The following ANKRD55 variants were observed in gnomAD, a reference collection of about 807,000 sequenced individuals.
The protein encoded by ANKRD55 is ankyrin repeat domain-containing protein 55.
In ANKRD55, 41 loss-of-function variants were observed where a neutral mutation model predicts 60.6. The observed-to-expected ratio is 0.68, with a 90% CI of 0.53 to 0.88. ANKRD55 has a LOEUF of 0.88. Ranked by LOEUF, ANKRD55 falls within the 40% of genes least tolerant of loss-of-function variation. The pLI is 0.00. For synonymous variants in ANKRD55, 264 were observed against 290.3 expected, an observed-to-expected ratio of 0.91 and a Z score of 0.92; for missense variants, 732 against 767.6, an observed-to-expected ratio of 0.95 and a Z score of 0.55.
intron 2 of ANKRD55, among the ~76,000 whole-genome samples, chr5:56,227,909 G>C (rs984937891): frequency 2.6e-5 from 4 of 152,148 alleles, no homozygotes; most frequent in Non-Finnish European, 5.9e-5. Context: ...ATGTATCCAT[G>C]TAAAGCCCTG....
intron 3 of ANKRD55, among the ~76,000 whole-genome samples, chr5:56,179,523 AAAATTGTT>A (rs1346508128): frequency 6.6e-6 from 1 of 152,210 alleles, no homozygotes; most frequent in African/African-American, 2.4e-5. Context: ...GCAAATTGTC[AAAATTGTT>A]AAATTCTGCA....
intron 6 of ANKRD55, among the ~76,000 whole-genome samples, chr5:56,153,748 A>T (rs952264191): frequency 1.3e-5 from 2 of 149,396 alleles, no homozygotes; most frequent in Non-Finnish European, 3.0e-5. Context: ...GAGGCAGGAG[A>T]ATGGTGTGAA....
chr5:56,197,745 G>GT (rs1759260308), intron 2 of ANKRD55, among the ~76,000 whole-genome samples: 1 of 152,082 alleles, frequency 6.6e-6, no homozygotes, highest in Non-Finnish European at 1.5e-5. Context: ...TTTCAGAGGA[G>GT]TTTTTCTTAC....
At chr5:56,192,592 A>T (rs1759125694) in intron 2 of ANKRD55, 2 of 527,786 alleles carry the variant, frequency 3.8e-6, no homozygotes, top group Non-Finnish European at 6.8e-6. Flanking sequence ...TCCTCTATGG[A>T]TCGGCAATAG....
chr5:56,135,496 TG>T (rs1757571048), intron 7 of ANKRD55, among the ~76,000 whole-genome samples: 1 of 151,642 alleles, frequency 6.6e-6, no homozygotes, highest in Admixed American at 6.6e-5. Flanking sequence ...CAGCCTCCCG[TG>T]TAGCTGGGAC....
chr5:56,228,032 G>T (rs77795838), intron 2 of ANKRD55, among the ~76,000 whole-genome samples: 37 of 152,244 alleles, frequency 2.4e-4, no homozygotes, highest in African/African-American at 8.4e-4. Flanking sequence ...ACAGTGTTGC[G>T]TGCTTTCTGG....
intron 2 of ANKRD55, among the ~76,000 whole-genome samples, chr5:56,194,438 T>A (rs987258791): frequency 2.0e-5 from 3 of 152,066 alleles, no homozygotes; most frequent in Non-Finnish European, 4.4e-5. Context: ...CCAACACATA[T>A]AGTTTTTGTC....
At chr5:56,134,556 G>T (rs1757505630) in intron 7 of ANKRD55, among the ~76,000 whole-genome samples, 1 of 113,732 alleles carries the variant, frequency 8.8e-6, no homozygotes, top group African/African-American at 3.0e-5. Flanking sequence ...TCCAGCCTGG[G>T]TGACAGAGTG....
chr5:56,213,596 G>C (rs1759731299), intron 2 of ANKRD55, among the ~76,000 whole-genome samples: 1 of 152,074 alleles, frequency 6.6e-6, no homozygotes, highest in Non-Finnish European at 1.5e-5. Context: ...AAAATAGTGA[G>C]ATTCTGCTTC....
At chr5:56,133,807 C>T (rs1478024895) in intron 7 of ANKRD55, among the ~76,000 whole-genome samples, 1 of 113,758 alleles carries the variant, frequency 8.8e-6, no homozygotes, top group Admixed American at 8.6e-5. Context: ...AACAATTTCT[C>T]AGAAGAAAAT....
At chr5:56,231,653 G>GCACACA (rs34225686) in intron 2 of ANKRD55, among the ~76,000 whole-genome samples, 15 of 147,978 alleles carry the variant, frequency 1.0e-4, no homozygotes, top group African/African-American at 1.5e-4. Context: ...CTGAAGGCGC[G>GCACACA]CACACACACA....
intron 7 of ANKRD55, among the ~76,000 whole-genome samples, chr5:56,136,041 G>A (rs1240557554): frequency 6.6e-6 from 1 of 152,052 alleles, no homozygotes. Flanking sequence ...ATAAAAGTGT[G>A]ATGAAAAACA....
At chr5:56,123,562 C>T (rs940956684) in intron 8 of ANKRD55, among the ~76,000 whole-genome samples, 2 of 152,074 alleles carry the variant, frequency 1.3e-5, no homozygotes, top group Admixed American at 6.5e-5. Flanking sequence ...GGGTCCCCAG[C>T]AGATTATGTC....
chr5:56,099,709 A>G lies in ANKRD55; in HGVS notation c.*474T>C, dbSNP rs1756208869. On this transcript the variant is annotated 3_prime_UTR_variant, in exon 12 of 12. Transcript: ENST00000341048. ...ACTGATCATAGGAATTTATTTTTAA[A>G]TAGGTTTCATTAGTTCAAGTTAGAA... 6.5e-6 allele frequency: 1 copy of G among 153,484 alleles called. No homozygotes were observed. Among genetic ancestry groups the G allele is most frequent in the Non-Finnish European group, 1.5e-5 (1 of 68,926 alleles). 9.5% of individuals were successfully genotyped at this position (153,484 alleles called of 1,614,324 possible).
chr5:56,143,796 C>T lies in ANKRD55; in HGVS notation c.612+5G>A, dbSNP rs1757828790. The T allele has an allele frequency of 1.2e-6, 2 of 1,614,168 alleles. No individual in the cohort carries two copies. The highest frequency in any genetic ancestry group is 1.7e-6 in the Non-Finnish European group (2 of 1,180,014). ...CTGAGACCAGTCCACAGGTCAATTT[C>T]TCACCTGGACTGCCCAGTGGAGAGC... On this transcript the variant is annotated splice_donor_5th_base_variant and intron_variant, in intron 7 of 11. Transcript: ENST00000341048.
chr5:56,118,960 T>A (rs115675883), intron 8 of ANKRD55, among the ~76,000 whole-genome samples: 1 of 152,208 alleles, frequency 6.6e-6, no homozygotes, highest in Non-Finnish European at 1.5e-5. Flanking sequence ...GGAACTTTCA[T>A]ACATTCCTGG....
At chr5:56,224,888 G>A (rs1033852985) in intron 2 of ANKRD55, among the ~76,000 whole-genome samples, 13 of 152,064 alleles carry the variant, frequency 8.5e-5, no homozygotes, top group African/African-American at 2.7e-4. Flanking sequence ...ATTCACAGCC[G>A]AATTCTACCA....
intron 2 of ANKRD55, among the ~76,000 whole-genome samples, chr5:56,229,713 C>T (rs909518762): frequency 6.6e-6 from 1 of 152,158 alleles, no homozygotes; most frequent in African/African-American, 2.4e-5. Flanking sequence ...CGTTGGAGCC[C>T]TGAAGGTCCT....
chr5:56,193,266 A>T (rs919338378), intron 2 of ANKRD55: 4 of 1,090,982 alleles, frequency 3.7e-6, no homozygotes, highest in Non-Finnish European at 5.2e-6. Flanking sequence ...TCCACTGAAG[A>T]CTTAGCACTG....
Sources: allele counts gnomAD v4.1 joint callset (sites outside exome capture counted in the v4.1 genomes callset), GRCh38; gene constraint gnomAD v4.1.1; transcripts MANE v1.5; gene names NCBI Gene and HGNC (gene_info 2026-07-23, HGNC 2026-07-21).